ASCC1: variants seen among roughly 807,000 people sequenced by gnomAD.
ASCC1 encodes activating signal cointegrator 1 complex subunit 1, also known as ASC-1 complex subunit P50.
In ASCC1, 35 loss-of-function variants were observed where a neutral mutation model predicts 46.6. The ratio of observed to expected loss-of-function variants is 0.75; its 90% CI spans 0.57 to 0.99. ASCC1 has a LOEUF of 0.99. Among genes scored for constraint, ASCC1 ranks in the 50% least tolerant of loss-of-function variants. The pLI is 0.00. For synonymous variants in ASCC1, 143 were observed against 146.6 expected, an observed-to-expected ratio of 0.98 and a Z score of 0.18; for missense variants, 376 against 428.7, an observed-to-expected ratio of 0.88 and a Z score of 1.09.
At chr10:72,149,972 G>A (rs1848132194) in intron 7 of ASCC1, among the ~76,000 whole-genome samples, 1 of 152,076 alleles carries the variant, frequency 6.6e-6, no homozygotes, top group African/African-American at 2.4e-5. Flanking sequence ...GATCACGTGA[G>A]GTCAGGGGTT....
At chr10:72,170,866 A>AAAATTTT (rs1564690428) in intron 5 of ASCC1, among the ~76,000 whole-genome samples, 1 of 152,170 alleles carries the variant, frequency 6.6e-6, no homozygotes, top group Non-Finnish European at 1.5e-5. Context: ...TTTGCCAGAC[A>AAAATTTT]CAGTGGTGCA....
At chr10:72,136,709 C>T (rs995506790) in intron 7 of ASCC1, among the ~76,000 whole-genome samples, 24 of 152,202 alleles carry the variant, frequency 1.6e-4, no homozygotes, top group Non-Finnish European at 3.2e-4. Flanking sequence ...CTTGCTGCTG[C>T]TCACTCTTTG....
At chr10:72,173,728 G>A (rs547885663) in intron 5 of ASCC1, among the ~76,000 whole-genome samples, 2 of 150,438 alleles carry the variant, frequency 1.3e-5, no homozygotes, top group African/African-American at 5.0e-5. Flanking sequence ...AATCTCTAGA[G>A]CCACTGTTTT....
chr10:72,150,284 A>G (rs563340251), intron 7 of ASCC1, among the ~76,000 whole-genome samples: 4 of 152,268 alleles, frequency 2.6e-5, no homozygotes, highest in African/African-American at 9.6e-5. Flanking sequence ...ACTTGCTTCC[A>G]AATGAAATGA....
chr10:72,116,690 T>A (rs1465616767), intron 9 of ASCC1, among the ~76,000 whole-genome samples: 2 of 152,246 alleles, frequency 1.3e-5, no homozygotes, highest in African/African-American at 4.8e-5. Context: ...TACACTGAGC[T>A]CTTTATTTCA....
Position 72,096,466 on chromosome 10 carries a change from T to C in ASCC1, c.*868A>G. ...TGGGGATGGGGTGAAGGAACAGGAATCCAACAAATATTAAGAGGACAAACT... is the reference window on the plus strand; with the variant it reads ...TGGGGATGGGGTGAAGGAACAGGAACCCAACAAATATTAAGAGGACAAACT... On this transcript the variant is annotated 3_prime_UTR_variant, in exon 10 of 10. Coordinates refer to ENST00000672957, the MANE Select transcript of ASCC1 (RefSeq NM_001198800.3). 2.2e-6 allele frequency: 1 copy of C among 454,028 alleles called. No individual in the cohort carries two copies. Among genetic ancestry groups the C allele is most frequent in the South Asian group, 1.6e-5 (1 of 64,472 alleles). The allele number at this position is 454,028 out of a possible 1,614,324, so 28.1% of individuals were successfully genotyped here. A position where few individuals can be genotyped will look rare whatever the true frequency, so the allele number is the denominator to read the frequency against.
chr10:72,185,643 A>G (rs1413889222), intron 5 of ASCC1, among the ~76,000 whole-genome samples: 1 of 152,206 alleles, frequency 6.6e-6, no homozygotes, highest in Admixed American at 6.6e-5. Context: ...GCCTGGAATC[A>G]GTGGTAGGAG....
chr10:72,173,705 A>C (rs1203743585), intron 5 of ASCC1, among the ~76,000 whole-genome samples: 1 of 152,260 alleles, frequency 6.6e-6, no homozygotes, highest in African/African-American at 2.4e-5. Context: ...ACAACCTTCA[A>C]GGCAACGGCA....
At chr10:72,173,198 G>T (rs1851455246) in intron 5 of ASCC1, among the ~76,000 whole-genome samples, 2 of 151,700 alleles carry the variant, frequency 1.3e-5, no homozygotes, top group African/African-American at 4.8e-5. Flanking sequence ...TGGCCTAATG[G>T]TTTAAAATTC....
In ASCC1 at chr10:72,213,199, C is replaced by T. The variant is rs11558719; in HGVS notation, c.100G>A (p.Asp34Asn). The change falls in exon 2 of 10, where the codon GAC (aspartate) becomes AAC (asparagine). Residue 34 changes from aspartate to asparagine, a missense_variant. Physicochemically the swap from Asp to Asn is conservative, Grantham distance 23. Coordinates refer to ENST00000672957, the MANE Select transcript of ASCC1 (RefSeq NM_001198800.3). ...CAACTAGGATTACCTTGATAGAAGT[C>T]CTCTTCATCTTCTTCATGTTGATAG... ...QTYQHEEDEEDFYQGSMECAD... is the reference protein window; with the variant it reads ...QTYQHEEDEENFYQGSMECAD... 0.028 allele frequency: 44,989 copies of T among 1,600,992 alleles called. 2,946 individuals are homozygous for T. Among genetic ancestry groups the T allele is most frequent in the African/African-American group, 0.23 (17,429 of 74,618 alleles).
Position 72,198,355 on chromosome 10 carries a change from G to A in ASCC1, c.311-1366C>T, listed in dbSNP as rs1589598555. Reference sequence around the variant, plus strand: ...GGGGAGGAGAGGGGAGGGGAGGGGAGGGGAGGGGAGGGGGAGGGGAGGGAA... The same window carrying A: ...GGGGAGGAGAGGGGAGGGGAGGGGAAGGGAGGGGAGGGGGAGGGGAGGGAA... On this transcript the variant is annotated intron_variant, in intron 4 of 9. Coordinates refer to ENST00000672957, the MANE Select transcript of ASCC1 (RefSeq NM_001198800.3). 4 of 77,928 alleles carry A rather than the reference G, an allele frequency of 5.1e-5. 1 individual carries two copies. The highest frequency in any genetic ancestry group is 2.5e-4 in the South Asian group (4 of 15,958). The allele number at this position is 77,928 out of a possible 1,614,324, so 4.8% of individuals were successfully genotyped here.
chr10:72,143,208 T>C (rs970293456), intron 7 of ASCC1, among the ~76,000 whole-genome samples: 3 of 152,018 alleles, frequency 2.0e-5, no homozygotes. Context: ...ATTAAATGTG[T>C]TTTGTCATAG....
At chr10:72,198,807 T>G (rs372597269) in intron 4 of ASCC1, 3 of 396,278 alleles carry the variant, frequency 7.6e-6, no homozygotes, top group South Asian at 3.8e-5. Flanking sequence ...CTCTACAAGA[T>G]CAATAAGCCA....
chr10:72,143,108 C>G (rs926138748), intron 7 of ASCC1, among the ~76,000 whole-genome samples: 1 of 142,240 alleles, frequency 7.0e-6, no homozygotes, highest in African/African-American at 2.7e-5. Context: ...TTGCAGTGAG[C>G]AGAGATGGTG....
Position 72,141,098 on chromosome 10 carries a change from C to A in ASCC1, c.747-7917G>T, listed in dbSNP as rs200618364. 2.2e-5 allele frequency among the ~76,000 whole-genome samples: 3 copies of A among 134,464 alleles called. No individual in the cohort carries two copies. The East Asian group carries it at 6.8e-4, about 31-fold the overall frequency. The allele number at this position is 134,464 out of a possible 152,430, so 88.2% of individuals were successfully genotyped here. ...ATAGATAGATAGATATAGATATAGA[C>A]ATAGAGATATAGATATACAGATATA... On this transcript the variant is annotated intron_variant, in intron 7 of 9. Transcript: ENST00000672957.
At chr10:72,118,635 C>T (rs536567727) in intron 9 of ASCC1, among the ~76,000 whole-genome samples, 1 of 151,448 alleles carries the variant, frequency 6.6e-6, no homozygotes, top group South Asian at 2.1e-4. Flanking sequence ...CAAAATTAGC[C>T]GGTCATGGTG....
At chr10:72,166,971 C>T (rs1280622884) in intron 5 of ASCC1, among the ~76,000 whole-genome samples, 4 of 149,560 alleles carry the variant, frequency 2.7e-5, no homozygotes, top group Admixed American at 6.6e-5. Flanking sequence ...AACCGAGCAG[C>T]CACTTTGTAA....
intron 7 of ASCC1, among the ~76,000 whole-genome samples, chr10:72,143,214 CAT>C (rs1847243321): frequency 6.7e-6 from 1 of 148,998 alleles, no homozygotes; most frequent in African/African-American, 2.5e-5. Context: ...TGTGTTTTGT[CAT>C]AGTTATTCCT....
intron 5 of ASCC1, chr10:72,181,135 T>G (rs574916002): frequency 6.6e-6 from 1 of 152,290 alleles, no homozygotes; most frequent in African/African-American, 2.4e-5. Context: ...CCAGCTAATT[T>G]TTGTATTTTT....
Sources: gnomAD v4.1 joint callset for allele counts (sites outside exome capture counted in the v4.1 genomes callset) on GRCh38, gnomAD v4.1.1 for gene constraint, MANE v1.5 for transcripts, NCBI Gene and HGNC (gene_info 2026-07-23, HGNC 2026-07-21) for gene names.